Variants in WDFY3 observed in about 807,000 individuals in gnomAD.
The protein encoded by WDFY3 is WD repeat and FYVE domain containing 3.
In WDFY3, 66 loss-of-function variants were observed where a neutral mutation model predicts 409.6. The ratio of observed to expected loss-of-function variants is 0.16; its 90% CI spans 0.13 to 0.20. The LOEUF is 0.20. Ranked by LOEUF, WDFY3 falls within the 10% of genes least tolerant of loss-of-function variation. The pLI, the probability that WDFY3 is intolerant of heterozygous loss-of-function variation, is 1.00. For missense variants in WDFY3, 3,031 were observed against 4,298.1 expected (o/e 0.71, Z 8.24); for synonymous variants, 1,521 against 1,537.1 (o/e 0.99, Z 0.25).
intron 26 of WDFY3, 74 bp downstream of exon 26, chr4:84,780,034 A>T: frequency 7.0e-7 from 1 of 1,430,030 alleles, no homozygotes; most frequent in Non-Finnish European, 9.3e-7. Context: ...GTTTCAAACA[A>T]CATGAATGAT....
intron 40 of WDFY3, among the ~76,000 whole-genome samples, chr4:84,737,852 C>A (rs999676934): frequency 2.6e-5 from 4 of 152,248 alleles, no homozygotes; most frequent in East Asian, 1.9e-4. Context: ...CGGCCCTCAG[C>A]AATCACCTGA....
intron 26 of WDFY3, 107 bp from the exon 27 acceptor site, chr4:84,778,762 C>T (rs1159577630): frequency 8.5e-6 from 8 of 940,388 alleles, no homozygotes; most frequent in African/African-American, 1.7e-5. Context: ...CACACACAAA[C>T]ACACACATAC....
At chr4:84,688,588 A>G (rs534397972) in intron 61 of WDFY3, among the ~76,000 whole-genome samples, 1 of 152,266 alleles carries the variant, frequency 6.6e-6, no homozygotes, top group Admixed American at 6.5e-5. Flanking sequence ...GTTTCTTTAT[A>G]CCATTTTTAT....
At chr4:84,748,607 T>C (rs944585094) in intron 36 of WDFY3, among the ~76,000 whole-genome samples, 5 of 152,174 alleles carry the variant, frequency 3.3e-5, no homozygotes, top group African/African-American at 9.7e-5. Flanking sequence ...TCTAGCTTTC[T>C]GCCACACCAC....
rs149666426 is a variant in WDFY3 at position 84,902,009 on chromosome 4, C to T, written c.-131-4999G>A. 3.9e-5 allele frequency among the ~76,000 whole-genome samples: 6 copies of T among 152,274 alleles called. 1 individual carries two copies. In the South Asian group the frequency reaches 1.0e-3, roughly 26 times the overall value. ...ACCTCCATTCTACTCTCCAGATTAG[C>T]CATAAATACAAAGGCATGGCTTATA... On this transcript the variant is annotated intron_variant, in intron 2 of 67. Transcript: ENST00000295888.
Position 84,702,385 on chromosome 4 carries a change from T to C in WDFY3, c.8564A>G (p.Glu2855Gly), listed in dbSNP as rs1731198960. 3 of 1,612,588 alleles carry C rather than the reference T, an allele frequency of 1.9e-6. No homozygotes were observed. Among genetic ancestry groups the C allele is most frequent in the Non-Finnish European group, 1.7e-6 (2 of 1,179,558 alleles). Reference sequence around the variant, plus strand: ...AAAGTTGTTGGAATTGAACAGGAATTCTGGTAAATAAAAGAACTCTGGGAT... The same window carrying C: ...AAAGTTGTTGGAATTGAACAGGAATCCTGGTAAATAAAAGAACTCTGGGAT... ...ELIPEFFYLP[E>G]FLFNSNNFDL... Residue 2855 changes from glutamate (E) to glycine (G), a missense_variant, in exon 56 of 68, where the codon GAA becomes GGA. Glu to Gly is a moderately conservative substitution (Grantham distance 98). Coordinates refer to ENST00000295888, the MANE Select transcript of WDFY3 (RefSeq NM_014991.6).
chr4:84,936,903 A>G (rs1301325632), intron 1 of WDFY3, among the ~76,000 whole-genome samples: 4 of 152,076 alleles, frequency 2.6e-5, no homozygotes, highest in Non-Finnish European at 4.4e-5. Context: ...TGCCTAGAAC[A>G]CCAATGTCAT....
At chr4:84,844,075 C>A (rs1757744951) in intron 5 of WDFY3, among the ~76,000 whole-genome samples, 1 of 151,770 alleles carries the variant, frequency 6.6e-6, no homozygotes, top group African/African-American at 2.4e-5. Context: ...TTAATAAAGC[C>A]CAGGATTTCA....
intron 4 of WDFY3, among the ~76,000 whole-genome samples, chr4:84,850,229 A>G (rs766475893): frequency 1.6e-4 from 24 of 152,220 alleles, no homozygotes; most frequent in Non-Finnish European, 2.5e-4. Context: ...AAATTTGTTG[A>G]AGAAATGATT....
chr4:84,781,069 G>A (rs114296856), intron 25 of WDFY3, among the ~76,000 whole-genome samples: 5,524 of 152,158 alleles, frequency 0.036, 136 homozygotes, highest in Middle Eastern at 0.054. Context: ...CTATCCTGGC[G>A]GGGATGATGT....
At chr4:84,764,315 C>T (rs1479711703) in intron 32 of WDFY3, among the ~76,000 whole-genome samples, 1 of 152,164 alleles carries the variant, frequency 6.6e-6, no homozygotes, top group African/African-American at 2.4e-5. Context: ...CTTCTTACTA[C>T]CAAAATGTTC....
intron 1 of WDFY3, among the ~76,000 whole-genome samples, chr4:84,942,126 T>C (rs990966591): frequency 6.6e-5 from 10 of 152,102 alleles, no homozygotes; most frequent in African/African-American, 2.4e-4. Flanking sequence ...AAATCATTGT[T>C]ACTTTGAGTT....
At chr4:84,836,879 C>T (rs759601356) in intron 7 of WDFY3, 50 bp downstream of exon 7, 2 of 1,352,286 alleles carry the variant, frequency 1.5e-6, no homozygotes, top group African/African-American at 3.0e-5. Flanking sequence ...AGGAAGTATA[C>T]CCACTTCCCT....
Position 84,716,830 on chromosome 4 carries a change from T to C in WDFY3, c.7875+66A>G, listed in dbSNP as rs1480431806. 6.9e-6 allele frequency: 9 copies of C among 1,299,342 alleles called. No homozygotes were observed. The South Asian group carries it at 2.1e-4, about 30-fold the overall frequency. The allele number at this position is 1,299,342 out of a possible 1,614,324, so 80.5% of individuals were successfully genotyped here. A position where few individuals can be genotyped will look rare whatever the true frequency, so the allele number is the denominator to read the frequency against. On this transcript the variant is annotated intron_variant, in intron 49 of 67. Coordinates refer to ENST00000295888, the MANE Select transcript of WDFY3 (RefSeq NM_014991.6). ...TAAAAATAAAAAATAAAAAATAAAA[T>C]AAAATAAAACAATACATTTTCAGAA...
intron 3 of WDFY3, among the ~76,000 whole-genome samples, chr4:84,891,958 G>A (rs1395410352): frequency 6.6e-6 from 1 of 151,546 alleles, no homozygotes; most frequent in Non-Finnish European, 1.5e-5. Flanking sequence ...CTTCTTGGAA[G>A]GTACAGCACA....
intron 3 of WDFY3, among the ~76,000 whole-genome samples, chr4:84,862,179 T>C (rs961043802): frequency 2.0e-5 from 3 of 152,218 alleles, no homozygotes; most frequent in African/African-American, 7.2e-5. Flanking sequence ...ACTACGGGCA[T>C]ATGCTGAGGC....
intron 32 of WDFY3, among the ~76,000 whole-genome samples, chr4:84,761,662 A>C (rs956361490): frequency 6.6e-6 from 1 of 152,242 alleles, no homozygotes; most frequent in Non-Finnish European, 1.5e-5. Context: ...AACTACCATC[A>C]GAATGAACAG....
At chr4:84,917,895 A>G (rs976618289) in intron 2 of WDFY3, among the ~76,000 whole-genome samples, 1 of 152,150 alleles carries the variant, frequency 6.6e-6, no homozygotes, top group African/African-American at 2.4e-5. Context: ...GAAAAATGAA[A>G]GAAGATATAG....
At chr4:84,929,479 C>T (rs531949421) in intron 2 of WDFY3, among the ~76,000 whole-genome samples, 1 of 151,104 alleles carries the variant, frequency 6.6e-6, no homozygotes, top group African/African-American at 2.4e-5. Context: ...GCCCCCCCCC[C>T]CAAATTCATA....
Sources: gnomAD v4.1 joint callset for allele counts (sites outside exome capture counted in the v4.1 genomes callset) on GRCh38, gnomAD v4.1.1 for gene constraint, MANE v1.5 for transcripts, NCBI Gene and HGNC (gene_info 2026-07-23, HGNC 2026-07-21) for gene names.